Variants in THSD7B observed in about 807,000 individuals in gnomAD.
THSD7B encodes thrombospondin type 1 domain containing 7B, also known as thrombospondin type-1 domain-containing protein 7B.
Under a neutral mutation model 213.6 loss-of-function variants are expected in THSD7B, and 138 were observed. The observed-to-expected ratio is 0.65, with a 90% CI of 0.56 to 0.74. The LOEUF (loss-of-function observed/expected upper bound fraction) is 0.74, where lower values mean the gene tolerates loss of function less well. THSD7B is among the 30% of genes least tolerant of loss of function. The pLI is 0.00. For missense variants in THSD7B, 1,931 were observed against 1,991.5 expected, an observed-to-expected ratio of 0.97 and a Z score of 0.58; for synonymous variants, 742 against 687.0, an observed-to-expected ratio of 1.08 and a Z score of -1.25.
intron 7 of THSD7B, among the ~76,000 whole-genome samples, chr2:137,204,685 A>G (rs952829470): frequency 3.9e-5 from 6 of 152,166 alleles, no homozygotes; most frequent in East Asian, 1.9e-4. Flanking sequence ...ATTTTAATCT[A>G]TAAGTGGCTT....
intron 1 of THSD7B, among the ~76,000 whole-genome samples, chr2:136,766,599 C>A (rs1429705075): frequency 6.6e-6 from 1 of 152,164 alleles, no homozygotes; most frequent in Admixed American, 6.5e-5. Flanking sequence ...GCGTTAAGCT[C>A]TCTCACTCTA....
intron 7 of THSD7B, among the ~76,000 whole-genome samples, chr2:137,213,895 T>A (rs982924389): frequency 6.6e-6 from 1 of 152,132 alleles, no homozygotes. Context: ...GTTAGCCCCA[T>A]AATGATATGA....
rs762803193 is a variant in THSD7B, at chr2:137,656,833, A to G, written c.4143A>G (p.Thr1381=). The stretch of plus-strand genomic sequence containing the variant: ...TAACAGAATGGTCAGAGTGGAGCAC[A>G]TGTGAATTAACCTGCATTGATGGAA... The part of the protein sequence containing the change: ...CHLTEWSEWS[T]CELTCIDGRS... Residue 1381 remains threonine (T), a synonymous_variant, in exon 23 of 28, where the codon ACA becomes ACG. Transcript: ENST00000409968. 2.5e-6 allele frequency: 4 copies of G among 1,614,010 alleles called. No homozygotes were observed. The South Asian group carries it at 3.3e-5, about 13-fold the overall frequency.
intron 2 of THSD7B, among the ~76,000 whole-genome samples, chr2:137,054,213 G>A (rs758081191): frequency 1.3e-5 from 2 of 152,220 alleles, no homozygotes; most frequent in African/African-American, 4.8e-5. Context: ...TCTGTGCTGG[G>A]ACAACAGACT....
intron 1 of THSD7B, among the ~76,000 whole-genome samples, chr2:136,845,671 C>T (rs1682996834): frequency 6.6e-6 from 1 of 152,138 alleles, no homozygotes; most frequent in African/African-American, 2.4e-5. Flanking sequence ...TAAGCAATTA[C>T]AGGCTGGAAT....
chr2:137,269,612 A>T (rs943021537), intron 10 of THSD7B, among the ~76,000 whole-genome samples: 6 of 152,226 alleles, frequency 3.9e-5, no homozygotes, highest in African/African-American at 1.4e-4. Flanking sequence ...TCTGAGGCTA[A>T]ATAGTACAGT....
intron 15 of THSD7B, among the ~76,000 whole-genome samples, chr2:137,502,539 G>T (rs1679735727): frequency 6.6e-6 from 1 of 152,052 alleles, no homozygotes; most frequent in African/African-American, 2.4e-5. Context: ...ACCTTGACTT[G>T]GTCCTAAGTA....
At chr2:136,858,940 C>T (rs944157734) in intron 1 of THSD7B, among the ~76,000 whole-genome samples, 11 of 152,146 alleles carry the variant, frequency 7.2e-5, no homozygotes, top group Non-Finnish European at 7.4e-5. Flanking sequence ...GGACAAATTA[C>T]GGGAATAGAG....
At position 137,000,419 on chromosome 2, in the gene THSD7B, T is replaced by C. The variant is rs556927818; in HGVS notation, c.140-56001T>C. ...CTCATTTAAAGGTGACATATTTTAA[T>C]ATGCATCATAATTGTGATTGCATAA... On this transcript the variant is annotated intron_variant, in intron 2 of 27. Transcript: ENST00000409968. Among the ~76,000 whole-genome samples, 4 of 152,300 alleles carry C rather than the reference T, an allele frequency of 2.6e-5. No homozygotes were observed. In the South Asian group the frequency reaches 8.3e-4, roughly 32 times the overall value.
intron 15 of THSD7B, among the ~76,000 whole-genome samples, chr2:137,520,034 G>A (rs573067414): frequency 6.6e-6 from 1 of 152,308 alleles, no homozygotes; most frequent in African/African-American, 2.4e-5. Flanking sequence ...CAGGGACATC[G>A]TGAGAGAGAT....
intron 15 of THSD7B, among the ~76,000 whole-genome samples, chr2:137,487,140 G>A (rs1240484267): frequency 2.0e-5 from 3 of 149,544 alleles, no homozygotes; most frequent in African/African-American, 5.1e-5. Flanking sequence ...AGGCCGAGGC[G>A]GGTGGATCAT....
intron 2 of THSD7B, among the ~76,000 whole-genome samples, chr2:136,979,480 T>C (rs1414433184): frequency 6.6e-6 from 1 of 152,166 alleles, no homozygotes; most frequent in African/African-American, 2.4e-5. Context: ...GTTGGGGGTT[T>C]TGTTCATTTC....
At position 136,981,498 on chromosome 2, in the gene THSD7B, A is replaced by T. The variant is rs117356386; in HGVS notation, c.140-74922A>T. ...AACCCTGCTTGTCTCTTCATTTTTT[A>T]GTTTAATTCTATTCTAGCCATCCCT... On this transcript the variant is annotated intron_variant, in intron 2 of 27. Transcript: ENST00000409968. 1.6e-3 allele frequency among the ~76,000 whole-genome samples: 251 copies of T among 152,132 alleles called. 4 individuals are homozygous for T. The East Asian group carries it at 0.045, about 27-fold the overall frequency.
intron 1 of THSD7B, among the ~76,000 whole-genome samples, chr2:136,816,834 A>G (rs1026591821): frequency 6.6e-6 from 1 of 152,204 alleles, no homozygotes; most frequent in Non-Finnish European, 1.5e-5. Context: ...AGATTGAATT[A>G]TCTGTTTGCT....
chr2:137,071,777 T>C (rs1687493900), intron 3 of THSD7B, among the ~76,000 whole-genome samples: 2 of 152,208 alleles, frequency 1.3e-5, no homozygotes, highest in African/African-American at 2.4e-5. Flanking sequence ...CTTGAATTAA[T>C]TTTTGTATAA....
At chr2:136,967,092 G>A (rs975371948) in intron 2 of THSD7B, among the ~76,000 whole-genome samples, 1 of 152,048 alleles carries the variant, frequency 6.6e-6, no homozygotes, top group African/African-American at 2.4e-5. Flanking sequence ...GTCCTCTACC[G>A]TGCTCAGCAT....
intron 2 of THSD7B, among the ~76,000 whole-genome samples, chr2:136,934,597 T>A (rs1376971935): frequency 6.6e-6 from 1 of 152,200 alleles, no homozygotes; most frequent in Non-Finnish European, 1.5e-5. Flanking sequence ...GGAAGCTCAG[T>A]ATCTTCTGTA....
Position 137,170,822 on chromosome 2 carries a change from C to G in THSD7B, c.1607C>G (p.Pro536Arg). Residue 536 changes from proline (P) to arginine (R), a missense_variant, in exon 7 of 28, where the codon CCT becomes CGT. Pro to Arg is a moderately radical substitution (Grantham distance 103, BLOSUM62 -2). Transcript: ENST00000409968. ...TGCCCTCATTTGGTGGAGTCTGTTC[C>G]TTGTGAGGATCCAATGTGCTACCGA... is the stretch of plus-strand genomic sequence containing the variant. ...GHCPHLVESV[P>R]CEDPMCYRWL... is the part of the protein sequence containing the mutation. 6.2e-7 allele frequency: 1 copy of G among 1,613,748 alleles called. No homozygotes were observed. Among genetic ancestry groups the G allele is most frequent in the Non-Finnish European group, 8.5e-7 (1 of 1,179,782 alleles).
At chr2:137,478,984 A>G (rs1688248160) in intron 15 of THSD7B, among the ~76,000 whole-genome samples, 1 of 152,162 alleles carries the variant, frequency 6.6e-6, no homozygotes, top group Non-Finnish European at 1.5e-5. Flanking sequence ...AAGCATATGC[A>G]TATGCTGGCA....
Sources: gnomAD v4.1 joint callset for allele counts (sites outside exome capture counted in the v4.1 genomes callset) on GRCh38, gnomAD v4.1.1 for gene constraint, MANE v1.5 for transcripts, NCBI Gene and HGNC (gene_info 2026-07-23, HGNC 2026-07-21) for gene names.